CREB1: variants seen among roughly 807,000 people sequenced by gnomAD.
CREB1 encodes cAMP responsive element binding protein 1, also known as cyclic AMP-responsive element-binding protein 1.
In CREB1, 2 loss-of-function variants were observed where a neutral mutation model predicts 42.0. That is an observed-to-expected ratio of 0.05 (90% confidence interval 0.02 to 0.15). The LOEUF is 0.15. Ranked by LOEUF, CREB1 falls within the 10% of genes least tolerant of loss-of-function variation. The pLI is 1.00. For missense variants in CREB1, 199 were observed against 388.9 expected (o/e 0.51, Z 4.11); for synonymous variants, 123 against 139.9 (o/e 0.88, Z 0.85).
rs115775107 is a variant in CREB1, at chr2:207,546,476, C to T, written c.-8-9152C>T. ...GCGCAGTGGCTCATGCTGGTAATCCCAACACTTTGAGAGGCTGAGGTGGGC... is the reference window on the plus strand; with the variant it reads ...GCGCAGTGGCTCATGCTGGTAATCCTAACACTTTGAGAGGCTGAGGTGGGC... On this transcript the variant is annotated intron_variant, in intron 1 of 7. Transcript: ENST00000353267. Among the ~76,000 whole-genome samples the T allele has an allele frequency of 6.3e-3, 957 of 152,214 alleles. 10 individuals are homozygous for T. Among genetic ancestry groups the T allele is most frequent in the African/African-American group, 0.021 (890 of 41,556 alleles).
chr2:207,595,449 A>G (rs1281115615), intron 7 of CREB1, among the ~76,000 whole-genome samples: 2 of 151,500 alleles, frequency 1.3e-5, no homozygotes, highest in Non-Finnish European at 2.9e-5. Flanking sequence ...TTGAGACAGC[A>G]TCTTGCTGTC....
intron 1 of CREB1, among the ~76,000 whole-genome samples, chr2:207,530,714 G>A (rs1156998864): frequency 6.6e-6 from 1 of 151,816 alleles, no homozygotes; most frequent in Non-Finnish European, 1.5e-5. Flanking sequence ...GGTGCCTGCT[G>A]CCTTCCCGGT....
intron 7 of CREB1, among the ~76,000 whole-genome samples, chr2:207,596,008 T>C (rs772599410): frequency 3.3e-5 from 5 of 152,256 alleles, no homozygotes; most frequent in Non-Finnish European, 7.3e-5. Flanking sequence ...CTATTTTTGC[T>C]TTTGTTACCT....
intron 5 of CREB1, among the ~76,000 whole-genome samples, chr2:207,574,289 A>C (rs2082487301): frequency 6.6e-6 from 1 of 152,168 alleles, no homozygotes; most frequent in African/African-American, 2.4e-5. Flanking sequence ...ACTCAGTTAA[A>C]ATCAGTTTTG....
chr2:207,557,063 G>C (rs1485553886), intron 2 of CREB1, among the ~76,000 whole-genome samples: 1 of 152,064 alleles, frequency 6.6e-6, no homozygotes, highest in Non-Finnish European at 1.5e-5. Context: ...GCTTAAGTCC[G>C]GGAGGCAGAG....
chr2:207,592,395 A>G (rs971307057), intron 7 of CREB1, among the ~76,000 whole-genome samples: 3 of 151,906 alleles, frequency 2.0e-5, no homozygotes, highest in African/African-American at 7.3e-5. Context: ...ACAGAGCAAG[A>G]CTCCATCTCA....
intron 1 of CREB1, among the ~76,000 whole-genome samples, chr2:207,546,720 C>A (rs573767540): frequency 4.3e-5 from 6 of 139,726 alleles, no homozygotes; most frequent in Admixed American, 1.5e-4. Context: ...GACAGTGAGA[C>A]CCTATATCAA....
chr2:207,589,489 A>T (rs1369722387), intron 7 of CREB1, among the ~76,000 whole-genome samples: 2 of 152,196 alleles, frequency 1.3e-5, no homozygotes, highest in African/African-American at 4.8e-5. Flanking sequence ...TTCCATCTGC[A>T]ACCTAATTCC....
chr2:207,560,261 T>C lies in CREB1; in HGVS notation c.150T>C (p.Ala50=). 4 of 1,613,242 alleles carry C rather than the reference T, an allele frequency of 2.5e-6. No individual in the cohort carries two copies. The highest frequency in any genetic ancestry group is 3.4e-6 in the Non-Finnish European group (4 of 1,179,456). ...CAGCAGCTCATGCAACATCATCTGCTCCCACCGTAACTCTAGTACAGCTGC... is the reference window on the plus strand; with the variant it reads ...CAGCAGCTCATGCAACATCATCTGCCCCCACCGTAACTCTAGTACAGCTGC... ...SMPAAHATSS[A]PTVTLVQLPN... is the part of the protein sequence containing the mutation. The change falls in exon 3 of 8, where the codon GCT becomes GCC. Residue 50 remains alanine (A), a synonymous_variant. Coordinates refer to ENST00000353267, the MANE Select transcript of CREB1 (RefSeq NM_004379.5).
chr2:207,601,585 A>G lies in CREB1; in HGVS notation c.*4527A>G, dbSNP rs2087061216. On this transcript the variant is annotated 3_prime_UTR_variant, in exon 8 of 8. Transcript: ENST00000353267. ...CAATTTTTAATGAGACTTTATCCTCATCACAACATTAATACTGTACATAGT... is the reference window on the plus strand; with the variant it reads ...CAATTTTTAATGAGACTTTATCCTCGTCACAACATTAATACTGTACATAGT... 9.7e-6 allele frequency: 2 copies of G among 206,060 alleles called. No individual in the cohort carries two copies. Among genetic ancestry groups the G allele is most frequent in the African/African-American group, 2.3e-5 (1 of 43,868 alleles). 12.8% of individuals were successfully genotyped at this position (206,060 alleles called of 1,614,324 possible). A position where few individuals can be genotyped will look rare whatever the true frequency, so the allele number is the denominator to read the frequency against.
intron 5 of CREB1, among the ~76,000 whole-genome samples, chr2:207,571,958 G>T: frequency 6.6e-6 from 1 of 152,284 alleles, no homozygotes; most frequent in Non-Finnish European, 1.5e-5. Context: ...GCCAGGCGCC[G>T]TGGCTCTCGC....
intron 1 of CREB1, among the ~76,000 whole-genome samples, chr2:207,531,389 C>G (rs2080622701): frequency 6.6e-6 from 1 of 152,118 alleles, no homozygotes; most frequent in African/African-American, 2.4e-5. Flanking sequence ...AGTAGGTAAC[C>G]CCCGTCTTGA....
chr2:207,532,880 C>T (rs913901235), intron 1 of CREB1, among the ~76,000 whole-genome samples: 4 of 151,914 alleles, frequency 2.6e-5, no homozygotes, highest in Admixed American at 6.6e-5. Flanking sequence ...CCCAGCCCCC[C>T]GAGTAGCTGG....
chr2:207,541,195 G>C (rs1190230969), intron 1 of CREB1, among the ~76,000 whole-genome samples: 2 of 151,918 alleles, frequency 1.3e-5, no homozygotes, highest in Non-Finnish European at 2.9e-5. Context: ...CTCCAGCCTG[G>C]GTGACAAGAG....
intron 7 of CREB1, chr2:207,581,868 T>C: frequency 4.3e-6 from 3 of 702,974 alleles, no homozygotes; most frequent in Non-Finnish European, 5.2e-6. Flanking sequence ...TCCTTGTCTT[T>C]GATGGCCTTG....
intron 1 of CREB1, among the ~76,000 whole-genome samples, chr2:207,536,980 A>T (rs1168905458): frequency 6.6e-6 from 1 of 152,188 alleles, no homozygotes; most frequent in Non-Finnish European, 1.5e-5. Flanking sequence ...ACAGAGCAAG[A>T]TGCCATCTCA....
chr2:207,596,950 A>G lies in CREB1; in HGVS notation c.876A>G (p.Glu292=), dbSNP rs140407055. 41 of 1,611,846 alleles carry G rather than the reference A, an allele frequency of 2.5e-5. No homozygotes were observed. The East Asian group carries it at 7.2e-4, about 28-fold the overall frequency. ...AARECRRKKK[E]YVKCLENRVA... ...GAGAGTGTCGTAGAAAGAAGAAAGAATATGTGAAATGTTTAGAAAACAGAG... is the reference window on the plus strand; with the variant it reads ...GAGAGTGTCGTAGAAAGAAGAAAGAGTATGTGAAATGTTTAGAAAACAGAG... Residue 292 remains glutamate (E), a synonymous_variant, in exon 8 of 8, where the codon GAA becomes GAG. Transcript: ENST00000353267.
At chr2:207,569,807 G>T (rs2082284532) in intron 4 of CREB1, among the ~76,000 whole-genome samples, 1 of 151,932 alleles carries the variant, frequency 6.6e-6, no homozygotes, top group African/African-American at 2.4e-5. Flanking sequence ...ACTTCGGGAG[G>T]CCAAGGCGGG....
chr2:207,573,145 G>A (rs1424358553), intron 5 of CREB1, among the ~76,000 whole-genome samples: 1 of 152,054 alleles, frequency 6.6e-6, no homozygotes, highest in Admixed American at 6.5e-5. Context: ...TCTTTTCTTA[G>A]TCTAGATTTT....
Sources: gnomAD v4.1 joint callset for allele counts (sites outside exome capture counted in the v4.1 genomes callset) on GRCh38, gnomAD v4.1.1 for gene constraint, MANE v1.5 for transcripts, NCBI Gene and HGNC (gene_info 2026-07-23, HGNC 2026-07-21) for gene names.